The following BLTP1 variants were observed in gnomAD, a reference collection of about 807,000 sequenced individuals.
The protein encoded by BLTP1 is fragile site-associated protein.
the BLTP1 span, among the ~76,000 whole-genome samples, chr4:122,317,916 G>A: frequency 6.6e-6 from 1 of 152,124 alleles, no homozygotes; most frequent in Non-Finnish European, 1.5e-5. Context: ...GATTGCCAAA[G>A]AGACTCTTGA....
chr4:122,339,213 C>A, the BLTP1 span: 19 of 1,612,322 alleles, frequency 1.2e-5, no homozygotes, highest in Non-Finnish European at 1.4e-5. Context: ...TTAGCCCTCA[C>A]AGATCAAATT....
the BLTP1 span, chr4:122,224,579 TCAG>T: frequency 6.2e-7 from 1 of 1,614,120 alleles, no homozygotes; most frequent in Non-Finnish European, 8.5e-7. Flanking sequence ...CGCTATGTTC[TCAG>T]CAGAAGGTCT....
At chr4:122,193,799 T>A in the BLTP1 span, 1 of 238,538 alleles carries the variant, frequency 4.2e-6, no homozygotes, top group South Asian at 1.5e-4. Flanking sequence ...TATTGACTTT[T>A]TAAATGCTTT....
At chr4:122,354,217 T>A in the BLTP1 span, among the ~76,000 whole-genome samples, 3 of 152,188 alleles carry the variant, frequency 2.0e-5, no homozygotes, top group Admixed American at 1.3e-4. Flanking sequence ...TTATTTTAGA[T>A]GTTATTGAAA....
the BLTP1 span, among the ~76,000 whole-genome samples, chr4:122,291,402 T>C: frequency 1.3e-5 from 2 of 152,230 alleles, no homozygotes; most frequent in Non-Finnish European, 2.9e-5. Flanking sequence ...TTCTCAGTAC[T>C]CTGATCTCTG....
chr4:122,201,975 A>C, the BLTP1 span: 1 of 588,218 alleles, frequency 1.7e-6, no homozygotes, highest in South Asian at 7.4e-5. Context: ...ATGTTGTGTA[A>C]ATGATTTCAC....
chr4:122,174,120 CT>C, the BLTP1 span: 1 of 805,372 alleles, frequency 1.2e-6, no homozygotes, highest in Non-Finnish European at 1.5e-6. Context: ...GGAGAGATGA[CT>C]GGAGAGAACC....
the BLTP1 span, among the ~76,000 whole-genome samples, chr4:122,322,558 T>C: frequency 6.6e-6 from 1 of 152,164 alleles, no homozygotes; most frequent in Non-Finnish European, 1.5e-5. Context: ...TTTTTTGCTA[T>C]TTGATATGCC....
At chr4:122,175,716 A>G in the BLTP1 span, 1 of 608,010 alleles carries the variant, frequency 1.6e-6, no homozygotes, top group Admixed American at 3.0e-5. Flanking sequence ...ATGTGTGTTT[A>G]TGTATGCCAA....
chr4:122,231,976 T>G, the BLTP1 span: 1 of 837,582 alleles, frequency 1.2e-6, no homozygotes, highest in African/African-American at 1.8e-5. Context: ...TAAATTGGAT[T>G]TCTTTGTTAT....
chr4:122,214,494 T>G, the BLTP1 span: 1 of 942,240 alleles, frequency 1.1e-6, no homozygotes, highest in South Asian at 4.9e-5. Flanking sequence ...TATTTGTATT[T>G]GTAAATATTT....
At chr4:122,237,483 ATTGAAC>A in the BLTP1 span, 9 of 589,784 alleles carry the variant, frequency 1.5e-5, no homozygotes, top group Non-Finnish European at 1.7e-5. Flanking sequence ...CCCTGTCAAC[ATTGAAC>A]TTTTAGAGCA....
chr4:122,179,593 A>G, the BLTP1 span, among the ~76,000 whole-genome samples: 4 of 152,024 alleles, frequency 2.6e-5, no homozygotes, highest in Non-Finnish European at 4.4e-5. Flanking sequence ...CCGTACCTGT[A>G]CCCCAGTATT....
the BLTP1 span, chr4:122,292,514 GA>G: frequency 6.1e-6 from 5 of 824,878 alleles, no homozygotes; most frequent in Non-Finnish European, 5.9e-6. Flanking sequence ...AAGAGAATAT[GA>G]AAAAGTGAAA....
chr4:122,309,144 C>T, the BLTP1 span: 4 of 1,339,970 alleles, frequency 3.0e-6, no homozygotes. Context: ...CTAAGCTGCT[C>T]TTTAATGAAC....
the BLTP1 span, among the ~76,000 whole-genome samples, chr4:122,310,343 A>G: frequency 6.6e-6 from 1 of 151,868 alleles, no homozygotes; most frequent in Non-Finnish European, 1.5e-5. Context: ...CTTTTAGGCT[A>G]TTTGCTGGGG....
the BLTP1 span, chr4:122,277,046 G>A: frequency 1.0e-6 from 1 of 985,002 alleles, no homozygotes; most frequent in Non-Finnish European, 1.2e-6. Context: ...TTTAGTGATT[G>A]TCAAGAATCA....
the BLTP1 span, chr4:122,300,006 T>A: frequency 1.1e-6 from 1 of 873,338 alleles, no homozygotes; most frequent in Non-Finnish European, 1.4e-6. Context: ...AAAATACAAA[T>A]ATATATTTTT....
At chr4:122,311,219 A>G in the BLTP1 span, among the ~76,000 whole-genome samples, 1 of 152,200 alleles carries the variant, frequency 6.6e-6, no homozygotes, top group Non-Finnish European at 1.5e-5. Context: ...TGCATTAAAA[A>G]ATGAACAAAT....
Sources: allele counts gnomAD v4.1 joint callset (sites outside exome capture counted in the v4.1 genomes callset), GRCh38; gene constraint gnomAD v4.1.1; transcripts MANE v1.5; gene names NCBI Gene and HGNC (gene_info 2026-07-23, HGNC 2026-07-21).